DNAJB2: variants seen among roughly 807,000 people sequenced by gnomAD.
DNAJB2 encodes dnaJ homolog subfamily B member 2.
Under a neutral mutation model 33.3 loss-of-function variants are expected in DNAJB2, and 19 were observed. That is an observed-to-expected ratio of 0.57 (90% CI 0.40 to 0.84). The LOEUF (loss-of-function observed/expected upper bound fraction) is 0.84. DNAJB2 is among the 40% of genes least tolerant of loss of function. DNAJB2 has a pLI of 0.00. For synonymous variants in DNAJB2, 172 were observed against 164.6 expected (o/e 1.04, Z -0.34); for missense variants, 368 against 430.9 (o/e 0.85, Z 1.29).
intron 2 of DNAJB2, 138 bp downstream of exon 2, chr2:219,280,036 C>G (rs1951890164): frequency 1.1e-6 from 1 of 884,608 alleles, no homozygotes; most frequent in Admixed American, 2.4e-5. Flanking sequence ...CGAGTGACAC[C>G]TGCAGGGAGG....
intron 3 of DNAJB2, chr2:219,281,217 C>A (rs143055250): frequency 3.0e-4 from 56 of 183,824 alleles, no homozygotes; most frequent in African/African-American, 1.2e-3. Flanking sequence ...GGAAGACCAA[C>A]ACCTACCAGG....
Position 219,279,874 on chromosome 2 carries a change from C to T in DNAJB2, c.41C>T (p.Ala14Val), listed in dbSNP as rs1340065979. The change falls in exon 2 of 9, where the codon GCG becomes GTG. Residue 14 changes from alanine to valine, a missense_variant. Physicochemically the swap from Ala to Val is moderately conservative, Grantham distance 64. Coordinates refer to ENST00000336576, the MANE Select transcript of DNAJB2 (RefSeq NM_006736.6). The surrounding 1 kb of genome is among the most constrained non-coding windows in gnomAD (Gnocchi z 4.9). Reference protein sequence around the residue: ...YYEILDVPRSASADDIKKAYR... With the variant: ...YYEILDVPRSVSADDIKKAYR... ...GAGATCCTAGACGTGCCGCGAAGTGCGTCCGCTGATGACATCAAGAAGGCG... is the reference window on the plus strand; with the variant it reads ...GAGATCCTAGACGTGCCGCGAAGTGTGTCCGCTGATGACATCAAGAAGGCG... The T allele has an allele frequency of 1.3e-5, 21 of 1,613,846 alleles. No homozygotes were observed. Among genetic ancestry groups the T allele is most frequent in the Non-Finnish European group, 1.8e-5 (21 of 1,179,978 alleles).
In DNAJB2 at chr2:219,286,266, G is replaced by A; in HGVS notation, c.*1279G>A. 2.1e-6 allele frequency: 1 copy of A among 485,282 alleles called. No homozygotes were observed. The highest frequency in any genetic ancestry group is 3.7e-6 in the Non-Finnish European group (1 of 267,484). The allele number at this position is 485,282 out of a possible 1,614,324, so 30.1% of individuals were successfully genotyped here. A position where few individuals can be genotyped will look rare whatever the true frequency, so the allele number is the denominator to read the frequency against. On this transcript the variant is annotated 3_prime_UTR_variant, in exon 9 of 9. Coordinates refer to ENST00000336576, the MANE Select transcript of DNAJB2 (RefSeq NM_006736.6). ...TTCTGATAGATCCCGCTTGGGGGAG[G>A]TGGTGTATGGTTACGGAGCTGTGCA...
Position 219,285,223 on chromosome 2 carries a change from G to T in DNAJB2, c.*236G>T, listed in dbSNP as rs1574902620. 8.1e-7 allele frequency: 1 copy of T among 1,229,426 alleles called. No individual in the cohort carries two copies. Among genetic ancestry groups the T allele is most frequent in the Non-Finnish European group, 1.0e-6 (1 of 984,746 alleles). The allele number at this position is 1,229,426 out of a possible 1,614,324, so 76.2% of individuals were successfully genotyped here. A position where few individuals can be genotyped will look rare whatever the true frequency, so the allele number is the denominator to read the frequency against. The stretch of plus-strand genomic sequence containing the variant: ...GGTGGGGGGTGTCAGGGCAGTGGAG[G>T]GGCCCGAGGAGCCAGGTTGCATTTA... On this transcript the variant is annotated 3_prime_UTR_variant, in exon 9 of 9. Coordinates refer to ENST00000336576, the MANE Select transcript of DNAJB2 (RefSeq NM_006736.6).
chr2:219,281,439 G>A (rs1309673785), intron 3 of DNAJB2: 8 of 472,508 alleles, frequency 1.7e-5, no homozygotes, highest in Non-Finnish European at 3.0e-5. Context: ...GTCAGGCACT[G>A]GTAGGCAGTT....
chr2:219,284,604 G>T lies in DNAJB2; in HGVS notation c.620-28G>T, dbSNP rs376862344. On this transcript the variant is annotated intron_variant, in intron 8 of 8. Coordinates refer to ENST00000336576, the MANE Select transcript of DNAJB2 (RefSeq NM_006736.6). Reference sequence around the variant, plus strand: ...CAGTAATACCCCTGGCTCAGGTTGGGGCCTCATGGTGGCTGTGACTCTTGC... The same window carrying T: ...CAGTAATACCCCTGGCTCAGGTTGGTGCCTCATGGTGGCTGTGACTCTTGC... 1.7e-5 allele frequency: 27 copies of T among 1,557,264 alleles called. No homozygotes were observed. In the African/African-American group the frequency reaches 3.5e-4, roughly 20 times the overall value.
In DNAJB2 at chr2:219,285,193, C is replaced by A; in HGVS notation, c.*206C>A. On this transcript the variant is annotated 3_prime_UTR_variant, in exon 9 of 9. Coordinates refer to ENST00000336576, the MANE Select transcript of DNAJB2 (RefSeq NM_006736.6). ...CAGGGCTGATAGGTCCCTGGTGAAG[C>A]CCAGGGTGGGGGGTGTCAGGGCAGT... 2 of 1,255,562 alleles carry A rather than the reference C, an allele frequency of 1.6e-6. No individual in the cohort carries two copies. The highest frequency in any genetic ancestry group is 2.0e-6 in the Non-Finnish European group (2 of 999,874). 77.8% of individuals were successfully genotyped at this position (1,255,562 alleles called of 1,614,324 possible). A position where few individuals can be genotyped will look rare whatever the true frequency, so the allele number is the denominator to read the frequency against.
chr2:219,280,320 C>T (rs1253577139), intron 2 of DNAJB2: 2 of 563,006 alleles, frequency 3.6e-6, no homozygotes, highest in Non-Finnish European at 6.3e-6. Flanking sequence ...CAGCCCCAGT[C>T]CAGTGAGCCC....
At chr2:219,280,077 C>G (rs1196138842) in intron 2 of DNAJB2, 179 bp downstream of exon 2, 1 of 641,202 alleles carries the variant, frequency 1.6e-6, no homozygotes. Flanking sequence ...ACAAGGAGAA[C>G]GTCCAGAGAG....
Position 219,285,722 on chromosome 2 carries a change from ACTC to A in DNAJB2, c.*743_*745del. 8.0e-7 allele frequency: 1 copy of A among 1,250,536 alleles called. No individual in the cohort carries two copies. Among genetic ancestry groups the A allele is most frequent in the South Asian group, 2.9e-5 (1 of 34,136 alleles). 77.5% of individuals were successfully genotyped at this position (1,250,536 alleles called of 1,614,324 possible). On this transcript the variant is annotated 3_prime_UTR_variant, in exon 9 of 9. Coordinates refer to ENST00000336576, the MANE Select transcript of DNAJB2 (RefSeq NM_006736.6). ...CTGTCCAGATTCAGAACTGGAGCCCACTCCTCCTCCCTCTCGTTGCCTCAGCCT... is the reference window on the plus strand; with the variant it reads ...CTGTCCAGATTCAGAACTGGAGCCCACTCCTCCCTCTCGTTGCCTCAGCCT...
chr2:219,285,858 G>C lies in DNAJB2; in HGVS notation c.*871G>C. Reference sequence around the variant, plus strand: ...CCTAGGAGGGGACTGCACCCATACTGCTTCCCTACCACAAATCAGGGCTCA... The same window carrying C: ...CCTAGGAGGGGACTGCACCCATACTCCTTCCCTACCACAAATCAGGGCTCA... On this transcript the variant is annotated 3_prime_UTR_variant, in exon 9 of 9. Transcript: ENST00000336576. 6.7e-7 allele frequency: 1 copy of C among 1,494,816 alleles called. No individual in the cohort carries two copies. Among genetic ancestry groups the C allele is most frequent in the Non-Finnish European group, 8.9e-7 (1 of 1,121,850 alleles). The allele number at this position is 1,494,816 out of a possible 1,614,324, so 92.6% of individuals were successfully genotyped here.
At chr2:219,283,077 G>C in intron 6 of DNAJB2, 56 bp from the exon 7 acceptor site, 1 of 1,605,006 alleles carries the variant, frequency 6.2e-7, no homozygotes, top group Middle Eastern at 1.7e-4. Context: ...GACCACAACA[G>C]GCAGCGCAGT....
At position 219,279,389 on chromosome 2, in the gene DNAJB2, ATGCCTGCGCGCACAGC is replaced by A. The variant is rs1418652184; in HGVS notation, c.-163_-148del. 2 of 157,868 alleles carry A rather than the reference ATGCCTGCGCGCACAGC, an allele frequency of 1.3e-5. No homozygotes were observed. The highest frequency in any genetic ancestry group is 4.8e-5 in the African/African-American group (2 of 41,560). 9.8% of individuals were successfully genotyped at this position (157,868 alleles called of 1,614,324 possible). A position where few individuals can be genotyped will look rare whatever the true frequency, so the allele number is the denominator to read the frequency against. Reference sequence around the variant, plus strand: ...CTAGTAGTTTCCGCACCGCTGACGCATGCCTGCGCGCACAGCTGGGCCGGGCGCGTCCTACGCAGCA... The same window carrying A: ...CTAGTAGTTTCCGCACCGCTGACGCATGGGCCGGGCGCGTCCTACGCAGCA... On this transcript the variant is annotated 5_prime_UTR_variant, in exon 1 of 9. The change creates a premature stop within an existing upstream ORF in the 5' untranslated region. Coordinates refer to ENST00000336576, the MANE Select transcript of DNAJB2 (RefSeq NM_006736.6). This position sits in a 1 kb window ranked among gnomAD's most constrained non-coding sequence, Gnocchi z 4.9.
Position 219,282,042 on chromosome 2 carries a change from C to G in DNAJB2, c.333C>G (p.Asp111Glu). 6.2e-7 allele frequency: 1 copy of G among 1,614,174 alleles called. No homozygotes were observed. The highest frequency in any genetic ancestry group is 8.5e-7 in the Non-Finnish European group (1 of 1,180,042). Residue 111 changes from aspartate to glutamate, a missense_variant, in exon 5 of 9, where the codon GAC becomes GAG. Transcript: ENST00000336576. ...TCCGGGAATTCTTTGGGAGTGGAGACCCTTTTGCAGAGCTCTTTGGTGAGT... is the reference window on the plus strand; with the variant it reads ...TCCGGGAATTCTTTGGGAGTGGAGAGCCTTTTGCAGAGCTCTTTGGTGAGT... ...EVFREFFGSG[D>E]PFAELFDDLG...
Position 219,281,784 on chromosome 2 carries a change from G to C in DNAJB2, c.229+13G>C, listed in dbSNP as rs1160348529. ...CTGACAGGGACAGGTAGGTGGAGTG[G>C]TGAGGCCCAGGAATGGAGGTGGGGC... On this transcript the variant is annotated intron_variant, in intron 4 of 8. Coordinates refer to ENST00000336576, the MANE Select transcript of DNAJB2 (RefSeq NM_006736.6). 4 of 1,614,032 alleles carry C rather than the reference G, an allele frequency of 2.5e-6. No individual in the cohort carries two copies. The East Asian group carries it at 6.7e-5, about 27-fold the overall frequency.
Position 219,286,005 on chromosome 2 carries a change from G to C in DNAJB2, c.*1018G>C, listed in dbSNP as rs1951952387. The stretch of plus-strand genomic sequence containing the variant: ...TCCCCAGATGTGTTCTGAGCTGGAT[G>C]CCGGGTTCCAGAATCGCTGCACAGT... On this transcript the variant is annotated 3_prime_UTR_variant, in exon 9 of 9. Coordinates refer to ENST00000336576, the MANE Select transcript of DNAJB2 (RefSeq NM_006736.6). 6.2e-7 allele frequency: 1 copy of C among 1,612,730 alleles called. No homozygotes were observed. Among genetic ancestry groups the C allele is most frequent in the Non-Finnish European group, 8.5e-7 (1 of 1,179,780 alleles).
In DNAJB2 at chr2:219,286,583, T is replaced by A. The variant is rs1217912475; in HGVS notation, c.*1596T>A. The A allele has an allele frequency of 6.5e-6, 1 of 152,882 alleles. No homozygotes were observed. Among genetic ancestry groups the A allele is most frequent in the Non-Finnish European group, 1.5e-5 (1 of 68,518 alleles). 9.5% of individuals were successfully genotyped at this position (152,882 alleles called of 1,614,324 possible). A position where few individuals can be genotyped will look rare whatever the true frequency, so the allele number is the denominator to read the frequency against. ...TGTGGCCCCAGAAAGCTGAGGAGTG[T>A]GGGCTGGCAGAGAGCTTCGAGGGCA... On this transcript the variant is annotated 3_prime_UTR_variant, in exon 9 of 9. Transcript: ENST00000336576.
At chr2:219,280,089 G>A (rs1161545568) in intron 2 of DNAJB2, 191 bp downstream of exon 2, 8 of 614,490 alleles carry the variant, frequency 1.3e-5, no homozygotes, top group Middle Eastern at 2.6e-4. Flanking sequence ...TCCAGAGAGT[G>A]AAGTAGTTAG....
Position 219,282,044 on chromosome 2 carries a change from C to T in DNAJB2, c.335C>T (p.Pro112Leu). 1.2e-6 allele frequency: 2 copies of T among 1,614,160 alleles called. No homozygotes were observed. Among genetic ancestry groups the T allele is most frequent in the Non-Finnish European group, 1.7e-6 (2 of 1,180,028 alleles). Residue 112 changes from proline to leucine, a missense_variant, in exon 5 of 9, where the codon CCT becomes CTT. Coordinates refer to ENST00000336576, the MANE Select transcript of DNAJB2 (RefSeq NM_006736.6). Reference sequence around the variant, plus strand: ...CGGGAATTCTTTGGGAGTGGAGACCCTTTTGCAGAGCTCTTTGGTGAGTGG... The same window carrying T: ...CGGGAATTCTTTGGGAGTGGAGACCTTTTTGCAGAGCTCTTTGGTGAGTGG... ...VFREFFGSGD[P>L]FAELFDDLGP...
Sources: allele counts gnomAD v4.1 joint callset, GRCh38; gene constraint gnomAD v4.1.1; non-coding constraint Gnocchi (gnomAD v3.1); transcripts MANE v1.5; gene names NCBI Gene and HGNC (gene_info 2026-07-23, HGNC 2026-07-21).